Variants in CSRNP3 observed in about 807,000 individuals in gnomAD.
CSRNP3 encodes cysteine/serine-rich nuclear protein 3.
A neutral mutation model predicts 48.0 loss-of-function variants in CSRNP3; 12 were observed. The ratio of observed to expected loss-of-function variants is 0.25; its 90% CI spans 0.16 to 0.41. The LOEUF is 0.41. CSRNP3 is among the 10% of genes least tolerant of loss of function. CSRNP3 has a pLI of 1.00. For missense variants in CSRNP3, 580 were observed against 724.4 expected, an observed-to-expected ratio of 0.80 and a Z score of 2.29; for synonymous variants, 263 against 269.7, an observed-to-expected ratio of 0.98 and a Z score of 0.24.
intron 3 of CSRNP3, among the ~76,000 whole-genome samples, chr2:165,527,683 C>T (rs1202194107): frequency 6.6e-6 from 1 of 152,054 alleles, no homozygotes. Context: ...TTCCTGAAAA[C>T]ACATCTAATT....
chr2:165,473,741 T>C (rs1192894764), intron 1 of CSRNP3, among the ~76,000 whole-genome samples: 3 of 152,164 alleles, frequency 2.0e-5, no homozygotes, highest in African/African-American at 7.2e-5. Context: ...AATGAATCAG[T>C]TGGGCAGATC....
At chr2:165,666,767 AAG>A (rs1379615222) in intron 5 of CSRNP3, among the ~76,000 whole-genome samples, 12 of 138,122 alleles carry the variant, frequency 8.7e-5, no homozygotes, top group African/African-American at 3.0e-4. Context: ...GAGAGGAAGA[AAG>A]AAAGAGAAAG....
chr2:165,531,094 A>T (rs954805087), intron 3 of CSRNP3, among the ~76,000 whole-genome samples: 6 of 152,142 alleles, frequency 3.9e-5, no homozygotes, highest in African/African-American at 1.4e-4. Flanking sequence ...CTCAGTTTCA[A>T]TATCTAATTC....
chr2:165,610,817 T>C (rs1172761541), intron 4 of CSRNP3, among the ~76,000 whole-genome samples: 1 of 152,146 alleles, frequency 6.6e-6, no homozygotes, highest in African/African-American at 2.4e-5. Context: ...ATCAACCCTT[T>C]GCAGAACTCT....
chr2:165,673,597 G>A (rs1687367214), intron 5 of CSRNP3, among the ~76,000 whole-genome samples: 1 of 151,762 alleles, frequency 6.6e-6, no homozygotes, highest in Non-Finnish European at 1.5e-5. Context: ...TTAATTCTTA[G>A]GCACGAATTG....
At chr2:165,489,726 AG>A (rs1479976628) in intron 1 of CSRNP3, among the ~76,000 whole-genome samples, 1 of 129,856 alleles carries the variant, frequency 7.7e-6, no homozygotes, top group Non-Finnish European at 1.6e-5. Context: ...ATGCAGAAAA[AG>A]ACTTTGACAA....
chr2:165,637,004 G>A (rs1209291567), intron 4 of CSRNP3, among the ~76,000 whole-genome samples: 1 of 152,102 alleles, frequency 6.6e-6, no homozygotes, highest in Non-Finnish European at 1.5e-5. Context: ...GATCCAGATA[G>A]GTTTGGTTGG....
intron 1 of CSRNP3, among the ~76,000 whole-genome samples, chr2:165,477,041 T>A (rs566166148): frequency 3.9e-5 from 6 of 152,298 alleles, no homozygotes; most frequent in African/African-American, 1.4e-4. Flanking sequence ...ATTAAATTGC[T>A]GGGCATCAGC....
intron 1 of CSRNP3, among the ~76,000 whole-genome samples, chr2:165,492,098 A>G (rs1684220208): frequency 6.6e-6 from 1 of 152,042 alleles, no homozygotes; most frequent in Non-Finnish European, 1.5e-5. Flanking sequence ...CAAAGGAACT[A>G]TTGACCTCTT....
chr2:165,525,649 C>A (rs1346603626), intron 3 of CSRNP3, among the ~76,000 whole-genome samples: 1 of 151,540 alleles, frequency 6.6e-6, no homozygotes, highest in Non-Finnish European at 1.5e-5. Context: ...CCACGCTCGG[C>A]TAATTTTTGT....
intron 4 of CSRNP3, among the ~76,000 whole-genome samples, chr2:165,601,605 T>C (rs1296434419): frequency 1.3e-5 from 2 of 152,204 alleles, no homozygotes; most frequent in African/African-American, 4.8e-5. Flanking sequence ...TAAATGTACT[T>C]ATACTTTACC....
chr2:165,633,988 C>T (rs573651681), intron 4 of CSRNP3, among the ~76,000 whole-genome samples: 100 of 152,250 alleles, frequency 6.6e-4, no homozygotes, highest in East Asian at 2.5e-3. Context: ...ATGTCTGTTA[C>T]GCTATTAAAC....
chr2:165,514,565 C>T (rs765189591), intron 2 of CSRNP3, among the ~76,000 whole-genome samples: 1 of 152,214 alleles, frequency 6.6e-6, no homozygotes, highest in Non-Finnish European at 1.5e-5. Context: ...AGTCAGTGTC[C>T]CCAGGTAACA....
At position 165,595,043 on chromosome 2, in the gene CSRNP3, G is replaced by C. The variant is rs750059661; in HGVS notation, c.-23G>C. The C allele has an allele frequency of 6.2e-7, 1 of 1,613,300 alleles. No homozygotes were observed. Among genetic ancestry groups the C allele is most frequent in the Admixed American group, 1.7e-5 (1 of 59,982 alleles). ...TCTGTTGCTCTCCTTCCTGTTACAG[G>C]TACATGTGACAGCACTGCAGCGATG... On this transcript the variant is annotated splice_region_variant and 5_prime_UTR_variant, in exon 4 of 7. Coordinates refer to ENST00000651982, the MANE Select transcript of CSRNP3 (RefSeq NM_001172173.2).
chr2:165,645,585 AG>A (rs1222938801), intron 4 of CSRNP3, among the ~76,000 whole-genome samples: 2 of 152,194 alleles, frequency 1.3e-5, no homozygotes, highest in African/African-American at 4.8e-5. Context: ...TCACAGTTAT[AG>A]TAAAATTTTC....
chr2:165,666,953 AGG>A (rs1475815321), intron 5 of CSRNP3, among the ~76,000 whole-genome samples: 2 of 37,408 alleles, frequency 5.3e-5, no homozygotes, highest in Non-Finnish European at 8.6e-5. Flanking sequence ...AAAGAGAGAG[AGG>A]AAGGAAGGAA....
Position 165,687,080 on chromosome 2 carries a change from G to A in CSRNP3, c.*7327G>A, listed in dbSNP as rs1190591616. 2.0e-5 allele frequency: 3 copies of A among 152,024 alleles called. No homozygotes were observed. Among genetic ancestry groups the A allele is most frequent in the African/African-American group, 7.2e-5 (3 of 41,414 alleles). 9.4% of individuals were successfully genotyped at this position (152,024 alleles called of 1,614,324 possible). On this transcript the variant is annotated 3_prime_UTR_variant, in exon 7 of 7. Coordinates refer to ENST00000651982, the MANE Select transcript of CSRNP3 (RefSeq NM_001172173.2). ...TTTCTCACAATAAGAAAATATCTTG[G>A]CCAGTCTTTGAGGGTTAGGCACCTG...
intron 3 of CSRNP3, among the ~76,000 whole-genome samples, chr2:165,566,209 T>TA (rs34169691): frequency 5.3e-5 from 8 of 151,734 alleles, no homozygotes; most frequent in East Asian, 1.9e-4. Flanking sequence ...CCTATCGAGA[T>TA]AAAAAAAAAT....
chr2:165,578,076 A>G (rs981074758), intron 3 of CSRNP3, among the ~76,000 whole-genome samples: 5 of 152,092 alleles, frequency 3.3e-5, no homozygotes, highest in African/African-American at 1.2e-4. Flanking sequence ...TATATCAAAT[A>G]GGAAAATGAG....
Sources: allele counts gnomAD v4.1 joint callset (sites outside exome capture counted in the v4.1 genomes callset), GRCh38; gene constraint gnomAD v4.1.1; transcripts MANE v1.5; gene names NCBI Gene and HGNC (gene_info 2026-07-23, HGNC 2026-07-21).